Variants in HSP90AA1 observed in about 807,000 individuals in gnomAD.
HSP90AA1 encodes the protein heat shock protein 90 alpha family class A member 1.
A neutral mutation model predicts 73.3 loss-of-function variants in HSP90AA1; 18 were observed. The observed-to-expected ratio is 0.25, with a 90% confidence interval of 0.17 to 0.36. The LOEUF (loss-of-function observed/expected upper bound fraction) is 0.36, where lower values mean the gene tolerates loss of function less well. Ranked by LOEUF, HSP90AA1 falls within the 10% of genes least tolerant of loss-of-function variation. HSP90AA1 has a pLI of 1.00. For missense variants in HSP90AA1, 704 were observed against 874.2 expected, an observed-to-expected ratio of 0.81 and a Z score of 2.45; for synonymous variants, 477 against 296.9, an observed-to-expected ratio of 1.61 and a Z score of -6.24.
At chr14:102,093,788 C>T (rs748540015) in intron 2 of HSP90AA1, among the ~76,000 whole-genome samples, 2 of 152,048 alleles carry the variant, frequency 1.3e-5, no homozygotes, top group South Asian at 2.1e-4. Flanking sequence ...GCCTGGCCAA[C>T]GTGGTGAAAC....
At chr14:102,082,500 T>C (rs944122033) in intron 9 of HSP90AA1, 56 bp from the exon 10 acceptor site, 46 of 1,407,266 alleles carry the variant, frequency 3.3e-5, no homozygotes, top group Non-Finnish European at 4.2e-5. Flanking sequence ...TAAACTTTCA[T>C]TGTGAAATGA....
chr14:102,133,824 G>A (rs1319895163), intron 1 of HSP90AA1, among the ~76,000 whole-genome samples: 4 of 152,100 alleles, frequency 2.6e-5, no homozygotes, highest in South Asian at 4.1e-4. Context: ...GAGAAAGAGG[G>A]GCAGTTGGGG....
chr14:102,082,842 G>C (rs34955331), intron 9 of HSP90AA1, 192 bp downstream of exon 9: 42 of 642,196 alleles, frequency 6.5e-5, no homozygotes, highest in African/African-American at 3.8e-4. Context: ...GGATGGTCTC[G>C]ATCTCCTGAC....
chr14:102,085,117 C>G (rs1273022255), intron 4 of HSP90AA1, 119 bp from the exon 5 acceptor site: 1 of 1,550,926 alleles, frequency 6.4e-7, no homozygotes, highest in Non-Finnish European at 8.9e-7. Context: ...AAGCACCCAG[C>G]TTTTCATCAA....
chr14:102,110,837 T>C (rs1362976237), intron 1 of HSP90AA1, among the ~76,000 whole-genome samples: 1 of 152,152 alleles, frequency 6.6e-6, no homozygotes, highest in Non-Finnish European at 1.5e-5. Context: ...CGCTTCTGCC[T>C]CCCAAAGTGC....
chr14:102,121,544 GT>G (rs1394286318), intron 1 of HSP90AA1, among the ~76,000 whole-genome samples: 1 of 151,802 alleles, frequency 6.6e-6, no homozygotes, highest in African/African-American at 2.4e-5. Context: ...CAAAATGCCT[GT>G]TTTTTTTCTC....
At chr14:102,095,956 T>C (rs946654512) in intron 2 of HSP90AA1, among the ~76,000 whole-genome samples, 2 of 152,160 alleles carry the variant, frequency 1.3e-5, no homozygotes, top group South Asian at 2.1e-4. Flanking sequence ...CCTCTCTTGG[T>C]ATTCAAATCC....
chr14:102,109,874 G>C (rs1412447806), intron 1 of HSP90AA1, among the ~76,000 whole-genome samples: 4 of 152,192 alleles, frequency 2.6e-5, no homozygotes, highest in African/African-American at 9.6e-5. Flanking sequence ...ATGAAATCCA[G>C]GCCGAAATGG....
chr14:102,102,761 G>T (rs369145969), intron 1 of HSP90AA1, among the ~76,000 whole-genome samples: 208 of 152,328 alleles, frequency 1.4e-3, no homozygotes, highest in African/African-American at 4.8e-3. Flanking sequence ...TCAAGGCCGG[G>T]AGTGGTGGCT....
At position 102,087,027 on chromosome 14, in the gene HSP90AA1, C is replaced by T. The variant is rs2273655; in HGVS notation, c.-42G>A. On this transcript the variant is annotated 5_prime_UTR_variant, in exon 1 of 11. Coordinates refer to ENST00000216281, the MANE Select transcript of HSP90AA1 (RefSeq NM_005348.4). The stretch of plus-strand genomic sequence containing the variant: ...CACAGGACCAACGGCACAGCCACAC[C>T]GGGACGCTGAAGCAACTGACGCGCC... The T allele has an allele frequency of 5.9e-5, 58 of 985,384 alleles. 2 individuals carry two copies. The East Asian group carries it at 5.1e-3, about 87-fold the overall frequency. The allele number at this position is 985,384 out of a possible 1,614,324, so 61.0% of individuals were successfully genotyped here. A position where few individuals can be genotyped will look rare whatever the true frequency, so the allele number is the denominator to read the frequency against.
chr14:102,117,680 T>C (rs1201953828), intron 1 of HSP90AA1, among the ~76,000 whole-genome samples: 1 of 152,106 alleles, frequency 6.6e-6, no homozygotes, highest in Non-Finnish European at 1.5e-5. Flanking sequence ...ATTCTTCTTG[T>C]TCACAGGACA....
intron 1 of HSP90AA1, among the ~76,000 whole-genome samples, chr14:102,124,617 T>C (rs945337160): frequency 6.6e-6 from 1 of 151,388 alleles, no homozygotes; most frequent in African/African-American, 2.4e-5. Context: ...ATTCACAATG[T>C]AAACTTGAAC....
rs1313311649 is a variant in HSP90AA1 at position 102,081,788 on chromosome 14, G to A, written c.2123C>T (p.Thr708Ile). 2 of 1,579,722 alleles carry A rather than the reference G, an allele frequency of 1.3e-6. No individual in the cohort carries two copies. The highest frequency in any genetic ancestry group is 3.3e-5 in the Admixed American group (2 of 59,946). The change falls in exon 11 of 11, where the codon ACC (threonine) becomes ATC (isoleucine). Residue 708 changes from threonine (T) to isoleucine (I), a missense_variant. Transcript: ENST00000216281. ...CATTTCTTCAGTTACAGCAGCACTG[G>A]TATCATCAGCAGTAGGGTCATCTTC... ...IDEDDPTADD[T>I]SAAVTEEMPP... is the part of the protein sequence containing the mutation.
chr14:102,118,710 G>C (rs2049738292), intron 1 of HSP90AA1, among the ~76,000 whole-genome samples: 1 of 151,812 alleles, frequency 6.6e-6, no homozygotes, highest in Non-Finnish European at 1.5e-5. Flanking sequence ...TTTGTTTCTG[G>C]ATTTCTCATT....
In HSP90AA1 at chr14:102,099,977, G is replaced by A. The variant is rs563832684; in HGVS notation, c.366+1898C>T. 2.0e-3 allele frequency among the ~76,000 whole-genome samples: 299 copies of A among 152,196 alleles called. 2 individuals are homozygous for A. Among genetic ancestry groups the A allele is most frequent in the African/African-American group, 6.8e-3 (284 of 41,532 alleles). On this transcript the variant is annotated intron_variant, in intron 2 of 11. Transcript: ENST00000334701. The stretch of plus-strand genomic sequence containing the variant: ...CAAGTTGGGTGGAGAGCTTGAGTCC[G>A]GGAGTTCAAGACCAGCCTGGGTGAT...
At chr14:102,116,878 T>G (rs976019912) in intron 1 of HSP90AA1, among the ~76,000 whole-genome samples, 4 of 152,152 alleles carry the variant, frequency 2.6e-5, no homozygotes, top group Non-Finnish European at 5.9e-5. Context: ...GCAAGCTCCA[T>G]GCAGTGGTGG....
At chr14:102,094,817 G>T (rs2049403513) in intron 2 of HSP90AA1, among the ~76,000 whole-genome samples, 1 of 152,152 alleles carries the variant, frequency 6.6e-6, no homozygotes. Context: ...CTTCCCAGGA[G>T]CTGCAGTCTG....
rs549111987 is a variant in HSP90AA1, at chr14:102,081,098, G to C, written c.*614C>G. 2 of 228,856 alleles carry C rather than the reference G, an allele frequency of 8.7e-6. No homozygotes were observed. The highest frequency in any genetic ancestry group is 4.4e-5 in the African/African-American group (2 of 45,106). 14.2% of individuals were successfully genotyped at this position (228,856 alleles called of 1,614,324 possible). A position where few individuals can be genotyped will look rare whatever the true frequency, so the allele number is the denominator to read the frequency against. On this transcript the variant is annotated 3_prime_UTR_variant, in exon 11 of 11. Transcript: ENST00000216281. ...CAACTTTAAGCAGAATGTGACTCGA[G>C]CACTACATTTCCATCCACAAGACTG...
chr14:102,125,359 T>G (rs1305619712), intron 1 of HSP90AA1, among the ~76,000 whole-genome samples: 1 of 152,188 alleles, frequency 6.6e-6, no homozygotes, highest in African/African-American at 2.4e-5. Flanking sequence ...TGATAATTCT[T>G]GCAATGTTAA....
Sources: gnomAD v4.1 joint callset for allele counts (sites outside exome capture counted in the v4.1 genomes callset) on GRCh38, gnomAD v4.1.1 for gene constraint, MANE v1.5 for transcripts, NCBI Gene and HGNC (gene_info 2026-07-23, HGNC 2026-07-21) for gene names.